TBC1D4: variants seen among roughly 807,000 people sequenced by gnomAD.
TBC1D4 encodes TBC1 domain family member 4.
TBC1D4 carries 121 observed loss-of-function variants against 142.5 expected under a neutral mutation model. The observed-to-expected ratio is 0.85, with a 90% CI of 0.73 to 0.99. The LOEUF (loss-of-function observed/expected upper bound fraction) is 0.99, where lower values mean the gene tolerates loss of function less well. Among genes scored for constraint, TBC1D4 ranks in the 50% least tolerant of loss-of-function variants. The probability of loss-of-function intolerance (pLI) is 0.00; values close to 1 mark genes in which losing one functional copy is unlikely to be tolerated. For synonymous variants in TBC1D4, 630 were observed against 628.2 expected (o/e 1.00, Z -0.04); for missense variants, 1,475 against 1,606.6 (o/e 0.92, Z 1.40).
chr13:75,414,098 A>G (rs573971645), intron 1 of TBC1D4, among the ~76,000 whole-genome samples: 1 of 152,342 alleles, frequency 6.6e-6, no homozygotes, highest in South Asian at 2.1e-4. Flanking sequence ...TGGCACTGCA[A>G]TACTACATCC....
chr13:75,453,400 T>C (rs2138250086), intron 1 of TBC1D4, among the ~76,000 whole-genome samples: 1 of 152,218 alleles, frequency 6.6e-6, no homozygotes, highest in African/African-American at 2.4e-5. Flanking sequence ...AAATCTGAAT[T>C]CTTCACCGAG....
At chr13:75,430,940 A>G (rs1245901828) in intron 1 of TBC1D4, among the ~76,000 whole-genome samples, 1 of 152,158 alleles carries the variant, frequency 6.6e-6, no homozygotes, top group East Asian at 1.9e-4. Flanking sequence ...ATAACCATTC[A>G]GTGAAAGACA....
chr13:75,340,074 C>T (rs1880554485), intron 7 of TBC1D4, among the ~76,000 whole-genome samples: 1 of 152,164 alleles, frequency 6.6e-6, no homozygotes, highest in Non-Finnish European at 1.5e-5. Context: ...ATCTATTGAT[C>T]TGTTTGCATT....
chr13:75,294,546 G>GTC (rs1875683432), intron 18 of TBC1D4, among the ~76,000 whole-genome samples: 2 of 152,320 alleles, frequency 1.3e-5, no homozygotes, highest in South Asian at 4.1e-4. Flanking sequence ...TACACAGTCT[G>GTC]TCCCTAGTCC....
intron 8 of TBC1D4, among the ~76,000 whole-genome samples, chr13:75,333,572 A>G (rs1327489045): frequency 1.3e-5 from 2 of 152,238 alleles, no homozygotes; most frequent in African/African-American, 4.8e-5. Context: ...AGTTACCAAT[A>G]TAAAGCTCCA....
intron 1 of TBC1D4, among the ~76,000 whole-genome samples, chr13:75,449,267 C>T (rs1457652815): frequency 3.3e-5 from 5 of 151,458 alleles, no homozygotes; most frequent in Non-Finnish European, 5.9e-5. Flanking sequence ...TATATGTATA[C>T]ACACACATAT....
chr13:75,432,223 G>T (rs1222260009), intron 1 of TBC1D4, among the ~76,000 whole-genome samples: 2 of 152,126 alleles, frequency 1.3e-5, no homozygotes, highest in Non-Finnish European at 2.9e-5. Flanking sequence ...GAAATATTCA[G>T]GGAAAAGCTC....
intron 1 of TBC1D4, among the ~76,000 whole-genome samples, chr13:75,428,201 G>C (rs549618773): frequency 6.6e-6 from 1 of 152,230 alleles, no homozygotes; most frequent in East Asian, 1.9e-4. Flanking sequence ...TAGAGGGAAG[G>C]GATGAAACAA....
At chr13:75,406,822 TTAATGTACAAAA>T (rs1330415355) in intron 1 of TBC1D4, among the ~76,000 whole-genome samples, 2 of 152,128 alleles carry the variant, frequency 1.3e-5, no homozygotes, top group Non-Finnish European at 2.9e-5. Context: ...TTATGGTAGT[TTAATGTACAAAA>T]ACGGAATCCA....
chr13:75,447,666 G>A (rs1887347667), intron 1 of TBC1D4, among the ~76,000 whole-genome samples: 1 of 152,130 alleles, frequency 6.6e-6, no homozygotes, highest in African/African-American at 2.4e-5. Context: ...ACAGCAGGAG[G>A]TGAGCGGCAG....
chr13:75,305,360 AT>A, intron 15 of TBC1D4, among the ~76,000 whole-genome samples: 1 of 152,362 alleles, frequency 6.6e-6, no homozygotes, highest in Non-Finnish European at 1.5e-5. Context: ...CCAATAAGAA[AT>A]AGGAAGATAA....
chr13:75,349,353 C>T (rs754503639), intron 4 of TBC1D4, 51 bp from the exon 5 acceptor site: 1 of 1,606,440 alleles, frequency 6.2e-7, no homozygotes, highest in Admixed American at 1.7e-5. Context: ...TACATGGCAA[C>T]ATTCAACATT....
At chr13:75,467,720 C>A (rs1888225893) in intron 1 of TBC1D4, among the ~76,000 whole-genome samples, 1 of 152,182 alleles carries the variant, frequency 6.6e-6, no homozygotes, top group African/African-American at 2.4e-5. Flanking sequence ...CCCCAACCCA[C>A]AAGAATACTG....
intron 1 of TBC1D4, among the ~76,000 whole-genome samples, chr13:75,404,063 TACAC>T (rs1345766063): frequency 7.4e-5 from 11 of 149,076 alleles, no homozygotes; most frequent in Admixed American, 5.3e-4. Flanking sequence ...TATATATACA[TACAC>T]ACACACACAC....
At chr13:75,403,815 C>T (rs1393353355) in intron 1 of TBC1D4, among the ~76,000 whole-genome samples, 1 of 152,082 alleles carries the variant, frequency 6.6e-6, no homozygotes, top group African/African-American at 2.4e-5. Flanking sequence ...AACACAGGCT[C>T]AAGTGGGACA....
intron 16 of TBC1D4, among the ~76,000 whole-genome samples, chr13:75,301,717 A>G (rs554091111): frequency 6.6e-6 from 1 of 152,186 alleles, no homozygotes; most frequent in African/African-American, 2.4e-5. Context: ...ACCCATTCCT[A>G]CACTATTAGT....
chr13:75,366,050 T>C (rs1249753097), intron 1 of TBC1D4, among the ~76,000 whole-genome samples: 2 of 152,028 alleles, frequency 1.3e-5, no homozygotes, highest in Non-Finnish European at 2.9e-5. Context: ...CTAAATGTTA[T>C]AGAGCACCTC....
chr13:75,342,811 A>G (rs867607789), intron 5 of TBC1D4, among the ~76,000 whole-genome samples: 32 of 151,928 alleles, frequency 2.1e-4, no homozygotes, highest in African/African-American at 5.3e-4. Context: ...TATTTTGATT[A>G]TGAAGAGAAT....
At chr13:75,393,823 C>G (rs1272124514) in intron 1 of TBC1D4, among the ~76,000 whole-genome samples, 1 of 151,614 alleles carries the variant, frequency 6.6e-6, no homozygotes, top group Non-Finnish European at 1.5e-5. Context: ...CCCTGCTACT[C>G]TGGAGGCTGA....
Sources: gnomAD v4.1 joint callset for allele counts (sites outside exome capture counted in the v4.1 genomes callset) on GRCh38, gnomAD v4.1.1 for gene constraint, MANE v1.5 for transcripts, NCBI Gene and HGNC (gene_info 2026-07-23, HGNC 2026-07-21) for gene names.